The following APPBP2 variants were observed in gnomAD, a reference collection of about 807,000 sequenced individuals.
APPBP2 encodes amyloid protein-binding protein 2.
Under a neutral mutation model 76.0 loss-of-function variants are expected in APPBP2, and 15 were observed. That is an observed-to-expected ratio of 0.20 (90% CI 0.13 to 0.30). The LOEUF (loss-of-function observed/expected upper bound fraction) is 0.30, where lower values mean the gene tolerates loss of function less well. APPBP2 is among the 10% of genes least tolerant of loss of function. APPBP2 has a pLI of 1.00. For synonymous variants in APPBP2, 222 were observed against 242.2 expected, an observed-to-expected ratio of 0.92 and a Z score of 0.77; for missense variants, 401 against 687.2, an observed-to-expected ratio of 0.58 and a Z score of 4.66.
intron 4 of APPBP2, among the ~76,000 whole-genome samples, chr17:60,474,415 C>G (rs1019679903): frequency 1.3e-5 from 2 of 152,062 alleles, no homozygotes; most frequent in Non-Finnish European, 2.9e-5. Flanking sequence ...CTTAGGTGAT[C>G]CACCCACCCT....
chr17:60,488,698 A>G (rs973289278), intron 3 of APPBP2, among the ~76,000 whole-genome samples: 2 of 152,200 alleles, frequency 1.3e-5, no homozygotes, highest in African/African-American at 4.8e-5. Context: ...TAGTTGGGTC[A>G]TTATAATGGC....
chr17:60,502,593 C>T (rs1334994387), intron 1 of APPBP2, among the ~76,000 whole-genome samples: 1 of 135,650 alleles, frequency 7.4e-6, no homozygotes, highest in Non-Finnish European at 1.5e-5. Flanking sequence ...GTGGCTCACG[C>T]CTGTAATCCC....
chr17:60,474,217 T>C (rs558667070), intron 4 of APPBP2, among the ~76,000 whole-genome samples: 48 of 151,818 alleles, frequency 3.2e-4, no homozygotes, highest in African/African-American at 1.1e-3. Context: ...GTCGCCCAGG[T>C]TGGAGTGCAA....
chr17:60,474,764 G>A (rs2090577275), intron 4 of APPBP2, among the ~76,000 whole-genome samples: 1 of 151,768 alleles, frequency 6.6e-6, no homozygotes, highest in South Asian at 2.1e-4. Context: ...CCTCATTTAA[G>A]GCCTATTACA....
At chr17:60,469,986 C>A (rs1447914426) in intron 4 of APPBP2, among the ~76,000 whole-genome samples, 1 of 152,114 alleles carries the variant, frequency 6.6e-6, no homozygotes, top group East Asian at 1.9e-4. Context: ...ATTTTACATT[C>A]CCAGCAACAG....
At chr17:60,497,166 T>C (rs2090782555) in intron 2 of APPBP2, among the ~76,000 whole-genome samples, 1 of 152,180 alleles carries the variant, frequency 6.6e-6, no homozygotes, top group South Asian at 2.1e-4. Flanking sequence ...GGTGTACTAT[T>C]TGGCCATAAA....
In APPBP2 at chr17:60,446,318, T is replaced by C. The variant is rs1201925351; in HGVS notation, c.*1263A>G. 2.0e-5 allele frequency: 3 copies of C among 152,600 alleles called. No individual in the cohort carries two copies. The highest frequency in any genetic ancestry group is 4.4e-5 in the Non-Finnish European group (3 of 68,034). The allele number at this position is 152,600 out of a possible 1,614,324, so 9.5% of individuals were successfully genotyped here. On this transcript the variant is annotated 3_prime_UTR_variant, in exon 13 of 13. Transcript: ENST00000083182. ...TTACCTCATCATTAAATAACCTGAC[T>C]GGCTTACAAAAAATCAAATCAAAAC...
At chr17:60,477,060 T>C (rs1246025012) in intron 4 of APPBP2, among the ~76,000 whole-genome samples, 1 of 152,218 alleles carries the variant, frequency 6.6e-6, no homozygotes, top group Non-Finnish European at 1.5e-5. Flanking sequence ...GTTAGACTTC[T>C]GGGAAAGCAA....
chr17:60,517,668 T>C (rs769703553), intron 1 of APPBP2, among the ~76,000 whole-genome samples: 88 of 152,360 alleles, frequency 5.8e-4, no homozygotes, highest in Non-Finnish European at 1.0e-3. Flanking sequence ...CTCACTTTTA[T>C]CATAATACAG....
intron 3 of APPBP2, among the ~76,000 whole-genome samples, chr17:60,481,434 T>C (rs1431471526): frequency 2.0e-5 from 3 of 152,138 alleles, no homozygotes; most frequent in Non-Finnish European, 2.9e-5. Context: ...CCTAAATAAA[T>C]AAATATTTTT....
chr17:60,462,886 G>A (rs1377842503), intron 6 of APPBP2, among the ~76,000 whole-genome samples: 1 of 148,576 alleles, frequency 6.7e-6, no homozygotes, highest in Non-Finnish European at 1.5e-5. Flanking sequence ...GGGGGGCGGA[G>A]CCTGCAGTGA....
intron 2 of APPBP2, among the ~76,000 whole-genome samples, chr17:60,499,430 CAG>C (rs1301189243): frequency 1.4e-5 from 2 of 144,492 alleles, no homozygotes; most frequent in East Asian, 2.2e-4. Flanking sequence ...TCCCAGCTAG[CAG>C]AGAGGCTGAA....
At chr17:60,464,660 G>C (rs907965110) in intron 5 of APPBP2, 1 of 152,356 alleles carries the variant, frequency 6.6e-6, no homozygotes, top group Admixed American at 6.6e-5. Flanking sequence ...TTAAGTGGCA[G>C]GTAATGTGCT....
chr17:60,480,885 C>A (rs2090623430), intron 3 of APPBP2, among the ~76,000 whole-genome samples: 1 of 152,192 alleles, frequency 6.6e-6, no homozygotes, highest in South Asian at 2.1e-4. Flanking sequence ...CTTCCTGTAT[C>A]TGTTAGTGAG....
In APPBP2 at chr17:60,491,992, T is replaced by G. The variant is rs149660134; in HGVS notation, c.379+2474A>C. Among the ~76,000 whole-genome samples, 850 of 152,194 alleles carry G rather than the reference T, an allele frequency of 5.6e-3. 3 individuals are homozygous for G. The highest frequency in any genetic ancestry group is 8.2e-3 in the Non-Finnish European group (560 of 68,010). ...AGAGGCCTAGGAGGAAAAAATGGTT[T>G]TGTGAGTTGAGCCCAGGGCCCCCCT... On this transcript the variant is annotated intron_variant, in intron 3 of 12. Coordinates refer to ENST00000083182, the MANE Select transcript of APPBP2 (RefSeq NM_006380.5).
chr17:60,454,787 G>GT (rs1487732776), intron 10 of APPBP2, among the ~76,000 whole-genome samples: 4 of 152,146 alleles, frequency 2.6e-5, no homozygotes, highest in Admixed American at 2.6e-4. Context: ...TGTGAAATTT[G>GT]TTTTTCAAAT....
At chr17:60,484,948 C>A (rs1382726177) in intron 3 of APPBP2, among the ~76,000 whole-genome samples, 1 of 152,094 alleles carries the variant, frequency 6.6e-6, no homozygotes, top group Non-Finnish European at 1.5e-5. Flanking sequence ...GCCTTTCCTG[C>A]CTCTATTGAG....
At chr17:60,451,650 GTA>G (rs1376154438) in intron 12 of APPBP2, among the ~76,000 whole-genome samples, 1 of 151,842 alleles carries the variant, frequency 6.6e-6, no homozygotes, top group Non-Finnish European at 1.5e-5. Flanking sequence ...ATTTGTTTTT[GTA>G]TTTTTTAGTA....
In APPBP2 at chr17:60,526,221, G is replaced by T; in HGVS notation, c.-290C>A. ...GGGTTCCGTCCCAGCGCTGATCTCT[G>T]CAGGGGCGGGGCTGCGTGTGCGGCG... On this transcript the variant is annotated 5_prime_UTR_variant, in exon 1 of 13. Transcript: ENST00000083182. 2 of 351,584 alleles carry T rather than the reference G, an allele frequency of 5.7e-6. No homozygotes were observed. Among genetic ancestry groups the T allele is most frequent in the East Asian group, 1.3e-4 (2 of 15,680 alleles). 21.8% of individuals were successfully genotyped at this position (351,584 alleles called of 1,614,324 possible). A position where few individuals can be genotyped will look rare whatever the true frequency, so the allele number is the denominator to read the frequency against.
Sources: gnomAD v4.1 joint callset for allele counts (sites outside exome capture counted in the v4.1 genomes callset) on GRCh38, gnomAD v4.1.1 for gene constraint, MANE v1.5 for transcripts, NCBI Gene and HGNC (gene_info 2026-07-23, HGNC 2026-07-21) for gene names.